Variants in RALGPS1 observed in about 807,000 individuals in gnomAD.
RALGPS1 encodes Ral GEF with PH domain and SH3 binding motif 1.
A neutral mutation model predicts 78.8 loss-of-function variants in RALGPS1; 19 were observed. That is an observed-to-expected ratio of 0.24 (90% CI 0.17 to 0.35). The LOEUF (loss-of-function observed/expected upper bound fraction) is 0.35. RALGPS1 is among the 10% of genes least tolerant of loss of function. The pLI is 1.00. For missense variants in RALGPS1, 454 were observed against 688.3 expected (o/e 0.66, Z 3.81); for synonymous variants, 228 against 256.3 (o/e 0.89, Z 1.06).
At chr9:127,157,230 T>A (rs1389065165) in intron 8 of RALGPS1, among the ~76,000 whole-genome samples, 2 of 152,116 alleles carry the variant, frequency 1.3e-5, no homozygotes, top group Non-Finnish European at 2.9e-5. Context: ...TGTATGTTAA[T>A]TAGGCAATAA....
intron 8 of RALGPS1, chr9:127,088,793 T>C: frequency 4.5e-6 from 4 of 888,364 alleles, no homozygotes; most frequent in African/African-American, 1.7e-5. Flanking sequence ...CATCATCCGC[T>C]GCAGTGACTT....
chr9:127,174,230 AAGACAG>A (rs1468700893), intron 10 of RALGPS1, among the ~76,000 whole-genome samples: 1 of 151,794 alleles, frequency 6.6e-6, no homozygotes, highest in African/African-American at 2.4e-5. Flanking sequence ...GAAAGAAAGA[AAGACAG>A]AGAGAGAGAG....
intron 18 of RALGPS1, among the ~76,000 whole-genome samples, chr9:127,215,304 G>T (rs1022613122): frequency 6.6e-6 from 1 of 152,210 alleles, no homozygotes; most frequent in African/African-American, 2.4e-5. Context: ...GTGAAAGGGG[G>T]TCCCTAGCTT....
chr9:126,915,274 GGGGCGGGGCCGGGGGGGCAGTT>G (rs1429694952), intron 1 of RALGPS1, among the ~76,000 whole-genome samples: 1 of 142,496 alleles, frequency 7.0e-6, no homozygotes, highest in African/African-American at 2.6e-5. Flanking sequence ...GCGGGCGCGG[GGGGCGGGGCCGGGGGGGCAGTT>G]GGGCGGGGCG....
At chr9:127,017,646 C>CT (rs1220069365) in intron 4 of RALGPS1, among the ~76,000 whole-genome samples, 2 of 152,144 alleles carry the variant, frequency 1.3e-5, no homozygotes, top group Non-Finnish European at 1.5e-5. Context: ...CTTTTTGACT[C>CT]TTTTGTAATA....
intron 4 of RALGPS1, among the ~76,000 whole-genome samples, chr9:127,012,582 G>T (rs939898849): frequency 6.6e-6 from 1 of 152,220 alleles, no homozygotes; most frequent in Non-Finnish European, 1.5e-5. Flanking sequence ...CTGTTCCGAC[G>T]TGGAGGTAGT....
rs2062669230 is a variant in RALGPS1 at position 127,218,063 on chromosome 9, G to A, written c.1645-677G>A. Among the ~76,000 whole-genome samples, 1 of 152,078 alleles carries A rather than the reference G, an allele frequency of 6.6e-6. No individual in the cohort carries two copies. The highest frequency in any genetic ancestry group is 2.4e-5 in the African/African-American group (1 of 41,400). ...AGTTTGACCAAACTGACACCAAAAT[G>A]GATTTTTTTAAATGAAATTATTTCT... On this transcript the variant is annotated intron_variant, in intron 18 of 18. Transcript: ENST00000259351. The surrounding 1 kb of genome is among the most constrained non-coding windows in gnomAD (Gnocchi z 4.4).
chr9:127,109,741 C>A (rs990627012), intron 8 of RALGPS1, among the ~76,000 whole-genome samples: 1 of 152,228 alleles, frequency 6.6e-6, no homozygotes, highest in Non-Finnish European at 1.5e-5. Flanking sequence ...CCAGTCCCTG[C>A]CCTCATGGGG....
At chr9:127,153,626 G>A (rs2058553754) in intron 8 of RALGPS1, among the ~76,000 whole-genome samples, 1 of 152,074 alleles carries the variant, frequency 6.6e-6, no homozygotes, top group Admixed American at 6.5e-5. Context: ...ACATCACCCT[G>A]TGCCCTTGCA....
Position 126,999,227 on chromosome 9 carries a change from A to T in RALGPS1, c.216+21482A>T, listed in dbSNP as rs371133800. Among the ~76,000 whole-genome samples the T allele has an allele frequency of 4.6e-5, 7 of 152,246 alleles. No homozygotes were observed. In the East Asian group the frequency reaches 1.3e-3, roughly 29 times the overall value. On this transcript the variant is annotated intron_variant, in intron 4 of 18. Coordinates refer to ENST00000259351, the MANE Select transcript of RALGPS1 (RefSeq NM_014636.3). Reference sequence around the variant, plus strand: ...AAATTGAACAGAAAGTATAGAGTGTACATTCTGTATCTCCTGACCCCGTAC... The same window carrying T: ...AAATTGAACAGAAAGTATAGAGTGTTCATTCTGTATCTCCTGACCCCGTAC...
At chr9:127,060,220 G>A (rs865901553) in intron 7 of RALGPS1, among the ~76,000 whole-genome samples, 1 of 152,122 alleles carries the variant, frequency 6.6e-6, no homozygotes, top group Non-Finnish European at 1.5e-5. Flanking sequence ...TCCAGCCTAG[G>A]AGAGCCCCAA....
At chr9:126,941,368 T>C (rs917059462) in intron 1 of RALGPS1, among the ~76,000 whole-genome samples, 1 of 152,210 alleles carries the variant, frequency 6.6e-6, no homozygotes, top group East Asian at 1.9e-4. Flanking sequence ...ATATTCCATT[T>C]ACCCTGATGT....
At chr9:126,977,888 A>G (rs1270417278) in intron 4 of RALGPS1, 143 bp downstream of exon 4, 2 of 555,280 alleles carry the variant, frequency 3.6e-6, no homozygotes, top group Admixed American at 3.8e-5. Context: ...TCTATTCTTG[A>G]TGGTGCTCAT....
chr9:126,994,431 T>C (rs1322458670), intron 4 of RALGPS1, among the ~76,000 whole-genome samples: 2 of 151,964 alleles, frequency 1.3e-5, no homozygotes, highest in East Asian at 3.9e-4. Context: ...AGGGTATCAG[T>C]GATGGAAGAT....
At position 127,006,245 on chromosome 9, in the gene RALGPS1, CCTT is replaced by C. The variant is rs148682937; in HGVS notation, c.217-28182_217-28180del. ...TGAAAACAGAGTATGGATTCACGGT[CCTT>C]CTTTGGGGACAAGCCATTCGTGAAG... On this transcript the variant is annotated intron_variant, in intron 4 of 18. Transcript: ENST00000259351. 7.3e-3 allele frequency among the ~76,000 whole-genome samples: 1,109 copies of C among 152,294 alleles called. 11 individuals are homozygous for C. The highest frequency in any genetic ancestry group is 0.012 in the Non-Finnish European group (803 of 68,016).
At chr9:127,126,445 AT>A (rs944971251) in intron 8 of RALGPS1, among the ~76,000 whole-genome samples, 86 of 152,230 alleles carry the variant, frequency 5.6e-4, no homozygotes, top group African/African-American at 2.0e-3. Context: ...ATTTTTAGCC[AT>A]TATTTCTTAA....
intron 3 of RALGPS1, among the ~76,000 whole-genome samples, chr9:126,971,564 A>G (rs996593473): frequency 6.6e-6 from 1 of 152,224 alleles, no homozygotes; most frequent in African/African-American, 2.4e-5. Context: ...TTTATAATAT[A>G]TCCAGCAAGA....
intron 8 of RALGPS1, among the ~76,000 whole-genome samples, chr9:127,102,115 C>T (rs570648391): frequency 6.6e-6 from 1 of 152,200 alleles, no homozygotes; most frequent in African/African-American, 2.4e-5. Flanking sequence ...GTCTCTGCTG[C>T]CTGCATCCTT....
chr9:127,218,774 C>A lies in RALGPS1; in HGVS notation c.*5C>A. ...AACCTTATGTCATTTGAGTAAGTCTCTGCAGGACGTGGCATGACTTCAGAG... is the reference window on the plus strand; with the variant it reads ...AACCTTATGTCATTTGAGTAAGTCTATGCAGGACGTGGCATGACTTCAGAG... On this transcript the variant is annotated 3_prime_UTR_variant, in exon 19 of 19. Coordinates refer to ENST00000259351, the MANE Select transcript of RALGPS1 (RefSeq NM_014636.3). The surrounding 1 kb of genome is among the most constrained non-coding windows in gnomAD (Gnocchi z 4.4). 1 of 1,613,920 alleles carries A rather than the reference C, an allele frequency of 6.2e-7. No homozygotes were observed. Among genetic ancestry groups the A allele is most frequent in the Non-Finnish European group, 8.5e-7 (1 of 1,179,758 alleles).
Sources: allele counts gnomAD v4.1 joint callset (sites outside exome capture counted in the v4.1 genomes callset), GRCh38; gene constraint gnomAD v4.1.1; non-coding constraint Gnocchi (gnomAD v3.1); transcripts MANE v1.5; gene names NCBI Gene and HGNC (gene_info 2026-07-23, HGNC 2026-07-21).